HS6ST3: variants seen among roughly 807,000 people sequenced by gnomAD.
HS6ST3 encodes the protein heparan-sulfate 6-O-sulfotransferase 3.
HS6ST3 carries 12 observed loss-of-function variants against 36.7 expected under a neutral mutation model. The observed-to-expected ratio is 0.33, with a 90% CI of 0.21 to 0.53. The LOEUF is 0.53. Among genes scored for constraint, HS6ST3 ranks in the 20% least tolerant of loss-of-function variants. The pLI, the probability that HS6ST3 is intolerant of heterozygous loss-of-function variation, is 0.95. For synonymous variants in HS6ST3, 240 were observed against 257.5 expected (o/e 0.93, Z 0.65); for missense variants, 584 against 640.9 (o/e 0.91, Z 0.96).
intron 1 of HS6ST3, among the ~76,000 whole-genome samples, chr13:96,273,600 T>A (rs2054731761): frequency 6.6e-6 from 1 of 152,048 alleles, no homozygotes; most frequent in Non-Finnish European, 1.5e-5. Flanking sequence ...TGTTTGTTGC[T>A]GATGCATAAC....
chr13:96,609,158 G>A lies in HS6ST3; in HGVS notation c.708-223332G>A, dbSNP rs1281563421. 3.9e-5 allele frequency among the ~76,000 whole-genome samples: 6 copies of A among 151,990 alleles called. No individual in the cohort carries two copies. The South Asian group carries it at 6.2e-4, about 16-fold the overall frequency. ...CTAATTTTTTTGTATTTTTAGTGGA[G>A]ACGGGACTTCACTGTGTTAGCCAGG... On this transcript the variant is annotated intron_variant, in intron 1 of 1. Transcript: ENST00000376705.
chr13:96,332,691 C>T (rs553420931), intron 1 of HS6ST3, among the ~76,000 whole-genome samples: 42 of 152,292 alleles, frequency 2.8e-4, no homozygotes, highest in South Asian at 1.0e-3. Flanking sequence ...GGGATTGCAA[C>T]GAAACAAAAT....
intron 1 of HS6ST3, among the ~76,000 whole-genome samples, chr13:96,791,371 G>A (rs1156580535): frequency 6.6e-6 from 1 of 152,128 alleles, no homozygotes; most frequent in Admixed American, 6.6e-5. Flanking sequence ...GACATGGAAA[G>A]TACAAGTTGT....
intron 1 of HS6ST3, among the ~76,000 whole-genome samples, chr13:96,166,730 A>G (rs2054162347): frequency 6.6e-6 from 1 of 151,850 alleles, no homozygotes; most frequent in African/African-American, 2.4e-5. Flanking sequence ...GTTCTTTCAA[A>G]GAAGAGGCAA....
chr13:96,583,851 A>G (rs1423496943), intron 1 of HS6ST3, among the ~76,000 whole-genome samples: 1 of 152,080 alleles, frequency 6.6e-6, no homozygotes. Context: ...TACGCTATTG[A>G]GATTTTGGAT....
chr13:96,275,178 G>C (rs2054741855), intron 1 of HS6ST3, among the ~76,000 whole-genome samples: 1 of 152,028 alleles, frequency 6.6e-6, no homozygotes, highest in Admixed American at 6.6e-5. Context: ...CAGCCTTCAG[G>C]GTCAACATGA....
At chr13:96,198,766 A>G (rs1003593536) in intron 1 of HS6ST3, among the ~76,000 whole-genome samples, 1 of 152,218 alleles carries the variant, frequency 6.6e-6, no homozygotes, top group South Asian at 2.1e-4. Context: ...ACAAGTTTCT[A>G]GGAAGTTCCA....
At chr13:96,111,370 A>T (rs1431362634) in intron 1 of HS6ST3, among the ~76,000 whole-genome samples, 2 of 152,230 alleles carry the variant, frequency 1.3e-5, no homozygotes, top group Admixed American at 1.3e-4. Context: ...TAGGACAATT[A>T]AAAATATGAG....
At chr13:96,117,151 T>C (rs941778962) in intron 1 of HS6ST3, among the ~76,000 whole-genome samples, 1 of 152,212 alleles carries the variant, frequency 6.6e-6, no homozygotes, top group African/African-American at 2.4e-5. Context: ...CTCTCCTTGC[T>C]TTGTACTTCC....
chr13:96,504,563 A>G (rs2056018488), intron 1 of HS6ST3, among the ~76,000 whole-genome samples: 1 of 152,132 alleles, frequency 6.6e-6, no homozygotes, highest in Non-Finnish European at 1.5e-5. Flanking sequence ...AATAAAAAAT[A>G]AAATAAAAGT....
chr13:96,760,483 TG>T (rs1876943542), intron 1 of HS6ST3, among the ~76,000 whole-genome samples: 1 of 138,466 alleles, frequency 7.2e-6, no homozygotes. Context: ...TACGTTGTTC[TG>T]TAAAAAAAAA....
chr13:96,509,092 C>T (rs556641254), intron 1 of HS6ST3, among the ~76,000 whole-genome samples: 1 of 152,280 alleles, frequency 6.6e-6, no homozygotes, highest in African/African-American at 2.4e-5. Context: ...CTTTGCATTT[C>T]TCTGATGATC....
intron 1 of HS6ST3, among the ~76,000 whole-genome samples, chr13:96,462,124 C>A (rs2055787415): frequency 6.6e-6 from 1 of 152,130 alleles, no homozygotes; most frequent in Non-Finnish European, 1.5e-5. Context: ...GGTTGGAGTG[C>A]AGTAGTGTGA....
chr13:96,385,831 A>G (rs781285555), intron 1 of HS6ST3, among the ~76,000 whole-genome samples: 1 of 152,208 alleles, frequency 6.6e-6, no homozygotes, highest in Non-Finnish European at 1.5e-5. Flanking sequence ...TAAGGTGTGC[A>G]TTAAGTATAC....
chr13:96,593,146 C>G (rs554249377), intron 1 of HS6ST3, among the ~76,000 whole-genome samples: 1 of 133,924 alleles, frequency 7.5e-6, no homozygotes, highest in East Asian at 2.1e-4. Flanking sequence ...TCTTTTTTGT[C>G]TCCTCTGACT....
chr13:96,168,441 C>T (rs368875049), intron 1 of HS6ST3, among the ~76,000 whole-genome samples: 11 of 152,238 alleles, frequency 7.2e-5, no homozygotes, highest in Middle Eastern at 3.4e-3. Context: ...TGCAGTGGCT[C>T]ATGTCTGTAA....
chr13:96,606,366 A>T, intron 1 of HS6ST3, among the ~76,000 whole-genome samples: 1 of 152,084 alleles, frequency 6.6e-6, no homozygotes, highest in African/African-American at 2.4e-5. Context: ...ATGGTACATA[A>T]TACACTATGG....
intron 1 of HS6ST3, among the ~76,000 whole-genome samples, chr13:96,605,304 A>G (rs890374822): frequency 7.2e-5 from 11 of 152,282 alleles, no homozygotes; most frequent in Non-Finnish European, 1.5e-4. Flanking sequence ...TATTATTTTG[A>G]AAGAATGCCT....
At chr13:96,272,153 A>C (rs2054723568) in intron 1 of HS6ST3, among the ~76,000 whole-genome samples, 3 of 152,030 alleles carry the variant, frequency 2.0e-5, no homozygotes, top group African/African-American at 7.3e-5. Flanking sequence ...TACATGTGGC[A>C]GTTCAGATAA....
Sources: gnomAD v4.1 joint callset for allele counts (sites outside exome capture counted in the v4.1 genomes callset) on GRCh38, gnomAD v4.1.1 for gene constraint, MANE v1.5 for transcripts, NCBI Gene and HGNC (gene_info 2026-07-23, HGNC 2026-07-21) for gene names.